KIAA1217: variants seen among roughly 807,000 people sequenced by gnomAD.
KIAA1217 encodes the protein KIAA1217.
In KIAA1217, 88 loss-of-function variants were observed where a neutral mutation model predicts 163.9. The observed-to-expected ratio is 0.54, with a 90% CI of 0.45 to 0.64. KIAA1217 has a LOEUF of 0.64. KIAA1217 is among the 30% of genes least tolerant of loss of function. KIAA1217 has a pLI of 0.00. For synonymous variants in KIAA1217, 903 were observed against 923.1 expected, an observed-to-expected ratio of 0.98 and a Z score of 0.39; for missense variants, 2,372 against 2,475.0, an observed-to-expected ratio of 0.96 and a Z score of 0.88.
At position 23,982,529 on chromosome 10, in the gene KIAA1217, TTCTCTCTCTCTCTCTCTCTC is replaced by T. The variant is rs59075123; in HGVS notation, c.-320-24663_-320-24644del. Among the ~76,000 whole-genome samples, 171 of 73,630 alleles carry T rather than the reference TTCTCTCTCTCTCTCTCTCTC, an allele frequency of 2.3e-3. 2 individuals are homozygous for T. Among genetic ancestry groups the T allele is most frequent in the African/African-American group, 7.2e-3 (142 of 19,846 alleles). 48.3% of individuals were successfully genotyped at this position (73,630 alleles called of 152,430 possible). A position where few individuals can be genotyped will look rare whatever the true frequency, so the allele number is the denominator to read the frequency against. On this transcript the variant is annotated intron_variant, in intron 1 of 18. Coordinates refer to the KIAA1217 transcript ENST00000376462. ...TCCTCTGTATTGCTCTGTTTTTTGT[TTCTCTCTCTCTCTCTCTCTC>T]TCTCTCTCTCTCTCTCTCTCTCTCT...
Position 23,918,897 on chromosome 10 carries a change from G to A in KIAA1217, c.-320-88328G>A, listed in dbSNP as rs180973146. Among the ~76,000 whole-genome samples the A allele has an allele frequency of 2.4e-4, 36 of 152,212 alleles. 1 individual carries two copies. In the East Asian group the frequency reaches 7.0e-3, roughly 29 times the overall value. On this transcript the variant is annotated intron_variant, in intron 1 of 18. Coordinates refer to the KIAA1217 transcript ENST00000376462. ...AGGGCTGCTACAGAGTCAGAGCCAA[G>A]TCCCTAAGCCTAATTAGATGTCTCC...
intron 2 of KIAA1217, among the ~76,000 whole-genome samples, chr10:24,064,125 C>T (rs951028923): frequency 1.3e-5 from 2 of 152,116 alleles, no homozygotes; most frequent in African/African-American, 2.4e-5. Context: ...TAATTGAATG[C>T]CCTTTATTCC....
intron 2 of KIAA1217, among the ~76,000 whole-genome samples, chr10:24,170,908 G>A (rs1207831401): frequency 1.3e-5 from 2 of 152,178 alleles, no homozygotes; most frequent in East Asian, 1.9e-4. Context: ...ACCCTTGAAC[G>A]CATGCCCAGT....
chr10:23,786,161 A>T (rs1835485239), intron 1 of KIAA1217, among the ~76,000 whole-genome samples: 1 of 152,174 alleles, frequency 6.6e-6, no homozygotes, highest in South Asian at 2.1e-4. Flanking sequence ...TACAGGGGGA[A>T]GTTCTTATGG....
chr10:23,780,944 G>A (rs999893941), intron 1 of KIAA1217, among the ~76,000 whole-genome samples: 4 of 152,126 alleles, frequency 2.6e-5, no homozygotes, highest in African/African-American at 9.7e-5. Context: ...GCCTCCCAAA[G>A]GGCTGGGATT....
chr10:24,292,869 G>GA lies in KIAA1217; in HGVS notation c.354+72970dup, dbSNP rs898032985. ...GGAATCCTGAGCGCATCCTGGATTA[G>GA]AAAAAAAAAAGAAGAAAGGTGGCCT... On this transcript the variant is annotated intron_variant, in intron 2 of 20. Coordinates refer to ENST00000376454, the MANE Select transcript of KIAA1217 (RefSeq NM_019590.5). 7.5e-5 allele frequency among the ~76,000 whole-genome samples: 11 copies of GA among 145,816 alleles called. No homozygotes were observed. In the East Asian group the frequency reaches 1.2e-3, roughly 16 times the overall value.
intron 2 of KIAA1217, among the ~76,000 whole-genome samples, chr10:24,085,334 A>C (rs1057346312): frequency 1.3e-5 from 2 of 152,266 alleles, no homozygotes; most frequent in African/African-American, 4.8e-5. Context: ...TAATAGACCA[A>C]CTTACCAGTC....
rs970485806 is a variant in KIAA1217 at position 24,342,937 on chromosome 10, G to C, written c.355-37932G>C. Among the ~76,000 whole-genome samples the C allele has an allele frequency of 3.3e-5, 5 of 152,076 alleles. 1 individual carries two copies. Among genetic ancestry groups the C allele is most frequent in the African/African-American group, 4.8e-5 (2 of 41,412 alleles). Reference sequence around the variant, plus strand: ...CTCCAAAAGTGCTGGGATTACAGGCGTGAGCCACTGCACCCGGCCGACTCA... The same window carrying C: ...CTCCAAAAGTGCTGGGATTACAGGCCTGAGCCACTGCACCCGGCCGACTCA... On this transcript the variant is annotated intron_variant, in intron 2 of 20. Transcript: ENST00000376454.
chr10:24,435,366 A>G (rs1187558584), intron 4 of KIAA1217, among the ~76,000 whole-genome samples: 4 of 152,248 alleles, frequency 2.6e-5, no homozygotes, highest in African/African-American at 9.6e-5. Flanking sequence ...AAATAATCAC[A>G]TTATATTTAA....
intron 3 of KIAA1217, among the ~76,000 whole-genome samples, chr10:24,431,718 G>T (rs1268370108): frequency 6.6e-6 from 1 of 152,100 alleles, no homozygotes; most frequent in African/African-American, 2.4e-5. Flanking sequence ...CATCACACTT[G>T]CTAATATCCC....
chr10:24,492,060 A>C (rs2066223260), intron 6 of KIAA1217, among the ~76,000 whole-genome samples: 1 of 152,134 alleles, frequency 6.6e-6, no homozygotes, highest in African/African-American at 2.4e-5. Flanking sequence ...CTCCAGCACC[A>C]CTGCGGATAG....
chr10:23,743,441 C>T (rs1377398427), intron 1 of KIAA1217, among the ~76,000 whole-genome samples: 3 of 152,156 alleles, frequency 2.0e-5, no homozygotes, highest in Non-Finnish European at 4.4e-5. Flanking sequence ...ACATGTGCCA[C>T]TTCTAAAAAT....
intron 2 of KIAA1217, among the ~76,000 whole-genome samples, chr10:24,236,535 C>T (rs529302408): frequency 6.6e-5 from 10 of 152,192 alleles, no homozygotes; most frequent in African/African-American, 1.2e-4. Flanking sequence ...TGAGCCACTG[C>T]GCTAGGCTCA....
At chr10:23,903,018 CT>C in intron 1 of KIAA1217, among the ~76,000 whole-genome samples, 1 of 152,042 alleles carries the variant, frequency 6.6e-6, no homozygotes, top group Non-Finnish European at 1.5e-5. Context: ...CAGTGAACAC[CT>C]TTTAGCTCCT....
chr10:24,304,870 G>A (rs1469867553), intron 2 of KIAA1217, among the ~76,000 whole-genome samples: 3 of 152,160 alleles, frequency 2.0e-5, no homozygotes, highest in Non-Finnish European at 4.4e-5. Context: ...GTGATGCAGG[G>A]CAGATGACTG....
chr10:24,067,381 G>A (rs1243480276), intron 2 of KIAA1217, among the ~76,000 whole-genome samples: 1 of 152,186 alleles, frequency 6.6e-6, no homozygotes, highest in Non-Finnish European at 1.5e-5. Context: ...CTCAGCTGCA[G>A]GTCTGTTGGA....
At chr10:23,834,757 C>A (rs1838368656) in intron 1 of KIAA1217, among the ~76,000 whole-genome samples, 1 of 152,066 alleles carries the variant, frequency 6.6e-6, no homozygotes, top group Non-Finnish European at 1.5e-5. Context: ...ATAGAAGAAT[C>A]AAGGACAACT....
intron 2 of KIAA1217, among the ~76,000 whole-genome samples, chr10:24,203,260 A>C (rs1350261222): frequency 6.6e-6 from 1 of 152,164 alleles, no homozygotes; most frequent in Non-Finnish European, 1.5e-5. Flanking sequence ...CAAAATAATA[A>C]AAATAATATT....
intron 1 of KIAA1217, among the ~76,000 whole-genome samples, chr10:23,974,281 G>A (rs1442698810): frequency 6.6e-6 from 1 of 152,128 alleles, no homozygotes; most frequent in Non-Finnish European, 1.5e-5. Flanking sequence ...TTTGTCTATA[G>A]AATGAGGATG....
Sources: gnomAD v4.1 joint callset for allele counts (sites outside exome capture counted in the v4.1 genomes callset) on GRCh38, gnomAD v4.1.1 for gene constraint, MANE v1.5 for transcripts, NCBI Gene and HGNC (gene_info 2026-07-23, HGNC 2026-07-21) for gene names.